The following NDUFV2 variants were observed in gnomAD, a reference collection of about 807,000 sequenced individuals.
NDUFV2 encodes the protein NADH dehydrogenase [ubiquinone] flavoprotein 2, mitochondrial.
NDUFV2 carries 18 observed loss-of-function variants against 31.6 expected under a neutral mutation model. That is an observed-to-expected ratio of 0.57 (90% CI 0.39 to 0.84). NDUFV2 has a LOEUF of 0.84. Among genes scored for constraint, NDUFV2 ranks in the 40% least tolerant of loss-of-function variants. The pLI is 0.00. For missense variants in NDUFV2, 314 were observed against 303.6 expected, an observed-to-expected ratio of 1.03 and a Z score of -0.26; for synonymous variants, 83 against 99.8, an observed-to-expected ratio of 0.83 and a Z score of 1.01.
Position 9,116,434 on chromosome 18 carries a change from C to T in NDUFV2, c.55-1404C>T, listed in dbSNP as rs1273218997. On this transcript the variant is annotated intron_variant, in intron 1 of 7. Coordinates refer to ENST00000318388, the MANE Select transcript of NDUFV2 (RefSeq NM_021074.5). ...CTGATGTTACTCAAAAATTGTTACT[C>T]GATTAAAAAAATTTTCTGAGCTAAG... is the stretch of plus-strand genomic sequence containing the variant. Among the ~76,000 whole-genome samples, 4 of 152,074 alleles carry T rather than the reference C, an allele frequency of 2.6e-5. 1 individual carries two copies. In the South Asian group the frequency reaches 6.2e-4, roughly 24 times the overall value.
intron 1 of NDUFV2, among the ~76,000 whole-genome samples, chr18:9,108,177 T>C (rs768914806): frequency 6.6e-6 from 1 of 152,254 alleles, no homozygotes; most frequent in Non-Finnish European, 1.5e-5. Flanking sequence ...ATACCTGGGC[T>C]CTTCATGCAG....
chr18:9,120,937 T>G (rs1193126553), intron 4 of NDUFV2, among the ~76,000 whole-genome samples: 1 of 151,998 alleles, frequency 6.6e-6, no homozygotes, highest in Non-Finnish European at 1.5e-5. Context: ...TAAAAATAAA[T>G]AAGAAACTGA....
At chr18:9,127,755 A>C (rs2078004320) in intron 7 of NDUFV2, among the ~76,000 whole-genome samples, 1 of 152,210 alleles carries the variant, frequency 6.6e-6, no homozygotes, top group South Asian at 2.1e-4. Flanking sequence ...TACAGGCATG[A>C]GCCACTGTGC....
chr18:9,112,017 G>GTTT (rs10659823), intron 1 of NDUFV2, among the ~76,000 whole-genome samples: 2,367 of 122,308 alleles, frequency 0.019, 160 homozygotes, highest in African/African-American at 0.066. Context: ...CATCAGAAGG[G>GTTT]TTTTTTTTTT....
intron 7 of NDUFV2, among the ~76,000 whole-genome samples, chr18:9,130,155 G>T (rs1467697431): frequency 6.6e-6 from 1 of 152,158 alleles, no homozygotes; most frequent in Non-Finnish European, 1.5e-5. Flanking sequence ...ACAAATTGGG[G>T]ATTCATCAGT....
chr18:9,127,314 T>G (rs2077999505), intron 7 of NDUFV2, among the ~76,000 whole-genome samples: 1 of 152,220 alleles, frequency 6.6e-6, no homozygotes, highest in South Asian at 2.1e-4. Flanking sequence ...TGTCTTCCCC[T>G]TATCTTTTTC....
chr18:9,117,040 T>A (rs948910735), intron 1 of NDUFV2, among the ~76,000 whole-genome samples: 7 of 101,634 alleles, frequency 6.9e-5, no homozygotes, highest in Admixed American at 5.3e-4. Flanking sequence ...TGAAACTACT[T>A]TTTTTTTTTT....
intron 7 of NDUFV2, among the ~76,000 whole-genome samples, chr18:9,130,162 C>G (rs1366773346): frequency 6.6e-6 from 1 of 152,130 alleles, no homozygotes; most frequent in East Asian, 1.9e-4. Flanking sequence ...GGGGATTCAT[C>G]AGTTACTAAG....
intron 7 of NDUFV2, among the ~76,000 whole-genome samples, chr18:9,130,034 A>C (rs934092263): frequency 1.6e-4 from 24 of 152,296 alleles, no homozygotes; most frequent in African/African-American, 5.8e-4. Flanking sequence ...AAGAAAAGTC[A>C]AATTTTGTTT....
At chr18:9,114,014 G>C (rs1161202157) in intron 1 of NDUFV2, among the ~76,000 whole-genome samples, 1 of 152,174 alleles carries the variant, frequency 6.6e-6, no homozygotes, top group Non-Finnish European at 1.5e-5. Context: ...CCTTGAGCTT[G>C]GGAAACCCTG....
intron 1 of NDUFV2, among the ~76,000 whole-genome samples, chr18:9,114,540 A>G (rs2077888373): frequency 6.6e-6 from 1 of 151,382 alleles, no homozygotes; most frequent in Non-Finnish European, 1.5e-5. Flanking sequence ...ACTTTCAGAG[A>G]AACTTTACTT....
chr18:9,126,815 T>A lies in NDUFV2; in HGVS notation c.580-16T>A, dbSNP rs1156836134. On this transcript the variant is annotated splice_polypyrimidine_tract_variant and intron_variant, in intron 6 of 7. Transcript: ENST00000318388. ...GAAAGTAATTTAAATATGACTATTG[T>A]TAATTTTTTTTCCAGGAGGATTTGA... 6.3e-7 allele frequency: 1 copy of A among 1,596,362 alleles called. No individual in the cohort carries two copies. The highest frequency in any genetic ancestry group is 2.2e-5 in the East Asian group (1 of 44,750).
intron 4 of NDUFV2, among the ~76,000 whole-genome samples, chr18:9,121,657 G>C (rs531764664): frequency 2.0e-5 from 3 of 152,178 alleles, no homozygotes; most frequent in South Asian, 4.2e-4. Flanking sequence ...AATGATAATA[G>C]GTCACCTAGA....
intron 7 of NDUFV2, among the ~76,000 whole-genome samples, chr18:9,128,172 A>ATG (rs1267170547): frequency 6.6e-6 from 1 of 152,124 alleles, no homozygotes; most frequent in Non-Finnish European, 1.5e-5. Context: ...GGAGTTTTTG[A>ATG]TGTCCATACG....
intron 1 of NDUFV2, chr18:9,104,818 C>T: frequency 8.4e-6 from 8 of 948,906 alleles, no homozygotes; most frequent in Non-Finnish European, 1.2e-5. Context: ...TTACACACGT[C>T]ATACGTGTGT....
intron 1 of NDUFV2, chr18:9,103,364 A>C (rs555646271): frequency 5.2e-6 from 2 of 383,086 alleles, no homozygotes; most frequent in East Asian, 3.8e-5. Context: ...CGCAAATAAC[A>C]GCACCCAATT....
chr18:9,122,751 A>T lies in NDUFV2; in HGVS notation c.469+70A>T, dbSNP rs1353752870. The T allele has an allele frequency of 1.9e-6, 3 of 1,551,814 alleles. No homozygotes were observed. In the African/African-American group the frequency reaches 4.1e-5, roughly 21 times the overall value. ...GTCTCTCTAGATTTGGTACATTTCT[A>T]TCTAAAATTTCCAACTTCTGCCATC... On this transcript the variant is annotated intron_variant, in intron 5 of 7. Coordinates refer to ENST00000318388, the MANE Select transcript of NDUFV2 (RefSeq NM_021074.5).
At chr18:9,112,955 T>A (rs1220804516) in intron 1 of NDUFV2, among the ~76,000 whole-genome samples, 1 of 152,256 alleles carries the variant, frequency 6.6e-6, no homozygotes, top group East Asian at 1.9e-4. Context: ...TAACCCATGA[T>A]ACATCCCACC....
intron 1 of NDUFV2, among the ~76,000 whole-genome samples, chr18:9,109,291 C>A (rs868246764): frequency 2.0e-5 from 3 of 152,110 alleles, no homozygotes; most frequent in Non-Finnish European, 4.4e-5. Flanking sequence ...CTTAGTTGGC[C>A]TCTAATAAAG....
Sources: gnomAD v4.1 joint callset for allele counts (sites outside exome capture counted in the v4.1 genomes callset) on GRCh38, gnomAD v4.1.1 for gene constraint, MANE v1.5 for transcripts, NCBI Gene and HGNC (gene_info 2026-07-23, HGNC 2026-07-21) for gene names.